Variants in SLC22A14 observed in about 807,000 individuals in gnomAD.
SLC22A14 encodes organic cation transporter-like 4.
Under a neutral mutation model 53.9 loss-of-function variants are expected in SLC22A14, and 50 were observed. The ratio of observed to expected loss-of-function variants is 0.93; its 90% CI spans 0.74 to 1.17. The LOEUF (loss-of-function observed/expected upper bound fraction) is 1.17. Ranked by LOEUF, SLC22A14 falls within the 50% of genes most tolerant of loss-of-function variation. The pLI is 0.00. For synonymous variants in SLC22A14, 312 were observed against 303.0 expected (o/e 1.03, Z -0.31); for missense variants, 671 against 734.7 (o/e 0.91, Z 1.00).
Position 38,307,952 on chromosome 3 carries a change from C to T in SLC22A14, c.775+232C>T, listed in dbSNP as rs74543840. ...GACAGGCAGAAGTGGAAGGGATCTCCGTTCCTGGCTGCCTGGAGATGTCAG... is the reference window on the plus strand; with the variant it reads ...GACAGGCAGAAGTGGAAGGGATCTCTGTTCCTGGCTGCCTGGAGATGTCAG... On this transcript the variant is annotated intron_variant, in intron 4 of 10. Transcript: ENST00000448498. The surrounding 1 kb of genome is among the most constrained non-coding windows in gnomAD (Gnocchi z 4.4). The T allele has an allele frequency of 6.4e-3, 3,584 of 559,128 alleles. 110 individuals are homozygous for T. Among genetic ancestry groups the T allele is most frequent in the African/African-American group, 0.058 (3,076 of 53,054 alleles). The allele number at this position is 559,128 out of a possible 1,614,324, so 34.6% of individuals were successfully genotyped here.
chr3:38,316,595 C>G, intron 10 of SLC22A14, 71 bp downstream of exon 10: 1 of 1,382,050 alleles, frequency 7.2e-7, no homozygotes, highest in Non-Finnish European at 1.0e-6. Flanking sequence ...AGAGAGCGTG[C>G]GGGACATTGT....
chr3:38,315,566 G>A lies in SLC22A14; in HGVS notation c.1387G>A (p.Gly463Ser), dbSNP rs1044322652. 27 of 1,613,694 alleles carry A rather than the reference G, an allele frequency of 1.7e-5. No homozygotes were observed. The highest frequency in any genetic ancestry group is 2.2e-5 in the Non-Finnish European group (26 of 1,179,874). The change falls in exon 9 of 11, where the codon GGC (glycine) becomes AGC (serine). Residue 463 changes from glycine to serine, a missense_variant. Physicochemically the swap from Gly to Ser is moderately conservative, Grantham distance 56. Coordinates refer to ENST00000448498, the MANE Select transcript of SLC22A14 (RefSeq NM_001320033.2). The stretch of plus-strand genomic sequence containing the variant: ...TCCTTCACCCACCCCAGGGGAGGAT[G>A]GCCTCAGACTCAAGTGGCCACGTTG... ...LLLFLPEGED[G>S]LRLKWPRCPA...
intron 1 of SLC22A14, among the ~76,000 whole-genome samples, chr3:38,289,838 T>C (rs1249408362): frequency 1.3e-5 from 2 of 152,130 alleles, no homozygotes; most frequent in African/African-American, 4.8e-5. Flanking sequence ...GTAACAAATA[T>C]GGACCAGAAG....
At chr3:38,290,637 G>A (rs1703892416) in intron 1 of SLC22A14, among the ~76,000 whole-genome samples, 1 of 152,226 alleles carries the variant, frequency 6.6e-6, no homozygotes, top group African/African-American at 2.4e-5. Flanking sequence ...AGGATTTTAA[G>A]TAATTTTCAT....
In SLC22A14 at chr3:38,313,085, A is replaced by G. The variant is rs1559553912; in HGVS notation, c.1031A>G (p.Asn344Ser). 1.6e-5 allele frequency: 25 copies of G among 1,608,150 alleles called. No homozygotes were observed. Among genetic ancestry groups the G allele is most frequent in the Non-Finnish European group, 2.0e-5 (23 of 1,177,616 alleles). Residue 344 changes from asparagine to serine, a missense_variant, in exon 6 of 11, where the codon AAC (asparagine) becomes AGC (serine). Physicochemically the swap from Asn to Ser is conservative, Grantham distance 46. Coordinates refer to ENST00000448498, the MANE Select transcript of SLC22A14 (RefSeq NM_001320033.2). ...GTGCTGTGCTACGCCGCAAGTGTGAACAAGAAGACCATTCCTTCAAATCTG... is the reference window on the plus strand; with the variant it reads ...GTGCTGTGCTACGCCGCAAGTGTGAGCAAGAAGACCATTCCTTCAAATCTG... ...KQVLCYAASV[N>S]KKTIPSNLLD... is the part of the protein sequence containing the mutation.
Position 38,318,502 on chromosome 3 carries a change from TA to T in SLC22A14, c.*261del. The T allele has an allele frequency of 7.8e-5, 27 of 345,288 alleles. No homozygotes were observed. Among genetic ancestry groups the T allele is most frequent in the East Asian group, 3.0e-4 (7 of 23,260 alleles). The allele number at this position is 345,288 out of a possible 1,614,324, so 21.4% of individuals were successfully genotyped here. A position where few individuals can be genotyped will look rare whatever the true frequency, so the allele number is the denominator to read the frequency against. Reference sequence around the variant, plus strand: ...CTTCTCCCAGGCCAGCCCTTGACATTAAAAAAAATGCCCCCTCCTTCTGCAG... The same window carrying T: ...CTTCTCCCAGGCCAGCCCTTGACATTAAAAAAATGCCCCCTCCTTCTGCAG... On this transcript the variant is annotated 3_prime_UTR_variant, in exon 11 of 11. Transcript: ENST00000448498.
At chr3:38,284,434 C>T (rs1703743662) in intron 1 of SLC22A14, among the ~76,000 whole-genome samples, 1 of 152,214 alleles carries the variant, frequency 6.6e-6, no homozygotes, top group African/African-American at 2.4e-5. Context: ...GATCCCTGCC[C>T]TCTAGGCCCA....
Position 38,307,781 on chromosome 3 carries a change from G to T in SLC22A14, c.775+61G>T. 7 of 1,579,346 alleles carry T rather than the reference G, an allele frequency of 4.4e-6. No individual in the cohort carries two copies. Among genetic ancestry groups the T allele is most frequent in the East Asian group, 2.2e-5 (1 of 44,716 alleles). ...CACAGGGGCATGGCGGCATAGGCGG[G>T]TGACAAGGGGACATAGTGGCAGGGG... On this transcript the variant is annotated intron_variant, in intron 4 of 10. Transcript: ENST00000448498. This position sits in a 1 kb window ranked among gnomAD's most constrained non-coding sequence, Gnocchi z 4.4.
chr3:38,289,610 C>T (rs1172533445), intron 1 of SLC22A14, among the ~76,000 whole-genome samples: 1 of 152,190 alleles, frequency 6.6e-6, no homozygotes, highest in East Asian at 1.9e-4. Flanking sequence ...CCATGAAACC[C>T]AGCTACTAGT....
chr3:38,292,606 G>A (rs142568222), intron 1 of SLC22A14, among the ~76,000 whole-genome samples: 9 of 152,236 alleles, frequency 5.9e-5, no homozygotes, highest in Admixed American at 1.3e-4. Context: ...GTTGGGCCTC[G>A]TGTCTAAGGG....
At position 38,313,742 on chromosome 3, in the gene SLC22A14, CA is replaced by C. The variant is rs1469257891; in HGVS notation, c.1180del (p.Thr394ProfsTer5). 2 of 1,570,010 alleles carry C rather than the reference CA, an allele frequency of 1.3e-6. No homozygotes were observed. The highest frequency in any genetic ancestry group is 2.2e-5 in the South Asian group (2 of 89,932). Reference protein sequence around the residue: ...MSCVWFTVSYTYFTLSLRMRE... With the variant: ...MSCVWFTVSYXYFTLSLRMRE... ...CTTCATCCAGGTTTACCGTCAGTTA[CA>C]CCTATTTTACGTTGAGCCTGAGAAT... On this transcript the variant is annotated frameshift_variant, in exon 8 of 11. Coordinates refer to ENST00000448498, the MANE Select transcript of SLC22A14 (RefSeq NM_001320033.2). LOFTEE classifies it high-confidence loss of function.
At chr3:38,290,897 T>TA (rs1703899716) in intron 1 of SLC22A14, among the ~76,000 whole-genome samples, 1 of 152,174 alleles carries the variant, frequency 6.6e-6, no homozygotes, top group South Asian at 2.1e-4. Flanking sequence ...CTTTCCTTTC[T>TA]GATGACCCTG....
At chr3:38,280,691 C>T (rs1575394468), upstream of SLC22A14, among the ~76,000 whole-genome samples, 1 of 150,076 alleles carries the variant, frequency 6.7e-6, no homozygotes, top group East Asian at 2.0e-4. Context: ...TGCAGTGGTG[C>T]AATTCTCTGC....
chr3:38,287,559 A>G (rs1405330649), intron 1 of SLC22A14, among the ~76,000 whole-genome samples: 2 of 152,180 alleles, frequency 1.3e-5, no homozygotes, highest in Non-Finnish European at 2.9e-5. Flanking sequence ...TTGCATGGAT[A>G]TATTTCTGGG....
intron 5 of SLC22A14, among the ~76,000 whole-genome samples, chr3:38,311,714 G>A (rs551737641): frequency 6.6e-6 from 1 of 152,146 alleles, no homozygotes; most frequent in African/African-American, 2.4e-5. Flanking sequence ...TTGCCATTTT[G>A]TAGCAAGGAT....
At chr3:38,310,198 C>G (rs949568387) in intron 5 of SLC22A14, among the ~76,000 whole-genome samples, 1 of 151,884 alleles carries the variant, frequency 6.6e-6, no homozygotes, top group African/African-American at 2.4e-5. Context: ...GGCAACATCG[C>G]AAGACCCTGC....
intron 1 of SLC22A14, among the ~76,000 whole-genome samples, chr3:38,286,255 T>G (rs1308331174): frequency 1.3e-5 from 2 of 151,992 alleles, no homozygotes; most frequent in Non-Finnish European, 2.9e-5. Context: ...AACAAAAAAC[T>G]TCTAAAGTTT....
chr3:38,309,180 G>A, intron 5 of SLC22A14, 58 bp downstream of exon 5: 3 of 1,435,050 alleles, frequency 2.1e-6, no homozygotes, highest in Non-Finnish European at 2.9e-6. Flanking sequence ...GGATGTCGAT[G>A]AGTATGGAGG....
At chr3:38,300,453 A>G (rs142330700) in intron 1 of SLC22A14, among the ~76,000 whole-genome samples, 1 of 152,220 alleles carries the variant, frequency 6.6e-6, no homozygotes, top group African/African-American at 2.4e-5. Context: ...AAAAAATGTT[A>G]TTATACACAC....
Sources: gnomAD v4.1 joint callset for allele counts (sites outside exome capture counted in the v4.1 genomes callset) on GRCh38, gnomAD v4.1.1 for gene constraint, Gnocchi (gnomAD v3.1) non-coding constraint, MANE v1.5 for transcripts, NCBI Gene and HGNC (gene_info 2026-07-23, HGNC 2026-07-21) for gene names.